GNAS-AS1: variants seen among roughly 807,000 people sequenced by gnomAD.
GNAS-AS1 encodes the protein GNAS antisense RNA 1, also known as GNAS antisense RNA 1 (non-protein coding).
chr20:58,824,215 A>G, intron 4 of GNAS-AS1: 1 of 396,672 alleles, frequency 2.5e-6, no homozygotes, highest in East Asian at 3.6e-5. Flanking sequence ...CCAGAAGAAA[A>G]GGTGTGGTGA....
At chr20:58,845,877 C>T (rs2085922894) in intron 2 of GNAS-AS1, among the ~76,000 whole-genome samples, 1 of 152,206 alleles carries the variant, frequency 6.6e-6, no homozygotes. Context: ...ACTCTGCCTG[C>T]AACTATTCCC....
intron 4 of GNAS-AS1, among the ~76,000 whole-genome samples, chr20:58,830,632 CCGCCA>C: frequency 2.3e-5 from 3 of 132,428 alleles, no homozygotes; most frequent in African/African-American, 5.7e-5. Flanking sequence ...ATCACCACCA[CCGCCA>C]CACCACCACA....
chr20:58,842,010 T>G, exon 4 of GNAS-AS1: 1 of 854,618 alleles, frequency 1.2e-6, no homozygotes, highest in Non-Finnish European at 1.6e-6. Context: ...CCTTGGACGA[T>G]CAGTCGTCGA....
At chr20:58,823,665 C>T (rs377144776) in intron 4 of GNAS-AS1, among the ~76,000 whole-genome samples, 2 of 152,370 alleles carry the variant, frequency 1.3e-5, no homozygotes, top group East Asian at 1.9e-4. Flanking sequence ...GGGCTCTGCA[C>T]GTTCCCAATG....
chr20:58,835,922 C>T (rs1009542957), intron 4 of GNAS-AS1, among the ~76,000 whole-genome samples: 16 of 136,592 alleles, frequency 1.2e-4, no homozygotes, highest in Admixed American at 3.8e-4. Context: ...AGAGCCTCCA[C>T]GCCCTGCCTT....
At chr20:58,833,474 T>G (rs1427620542) in intron 4 of GNAS-AS1, among the ~76,000 whole-genome samples, 1 of 152,182 alleles carries the variant, frequency 6.6e-6, no homozygotes, top group Non-Finnish European at 1.5e-5. Context: ...TCATGCACAA[T>G]GTATGTCACT....
At chr20:58,849,167 C>A (rs982317618) in intron 1 of GNAS-AS1, among the ~76,000 whole-genome samples, 2 of 152,082 alleles carry the variant, frequency 1.3e-5, no homozygotes. Context: ...TGGGTAGAGG[C>A]TAGGGATGCT....
intron 2 of GNAS-AS1, among the ~76,000 whole-genome samples, chr20:58,844,706 CA>C (rs1416166623): frequency 1.3e-5 from 2 of 151,610 alleles, no homozygotes; most frequent in African/African-American, 4.8e-5. Flanking sequence ...ATGGAACTCC[CA>C]AAAAACATCG....
intron 4 of GNAS-AS1, among the ~76,000 whole-genome samples, chr20:58,820,093 G>A (rs1185348335): frequency 1.3e-5 from 2 of 152,258 alleles, no homozygotes; most frequent in African/African-American, 2.4e-5. Context: ...TCAGACGCCC[G>A]CTCCAGTGGG....
chr20:58,831,605 TG>T (rs1214803935), intron 4 of GNAS-AS1, among the ~76,000 whole-genome samples: 5 of 151,952 alleles, frequency 3.3e-5, no homozygotes, highest in African/African-American at 1.2e-4. Context: ...CATTCCAGTC[TG>T]GGCGATAGAG....
intron 2 of GNAS-AS1, chr20:58,842,688 A>C (rs770734958): frequency 2.5e-6 from 1 of 395,886 alleles, no homozygotes; most frequent in Non-Finnish European, 4.4e-6. Flanking sequence ...CTTAATGTAA[A>C]CAATGATGGT....
chr20:58,822,649 T>A (rs191025391), intron 4 of GNAS-AS1, among the ~76,000 whole-genome samples: 1 of 152,320 alleles, frequency 6.6e-6, no homozygotes, highest in African/African-American at 2.4e-5. Context: ...TGGTCACCCA[T>A]TAATTTGTAC....
intron 4 of GNAS-AS1, among the ~76,000 whole-genome samples, chr20:58,831,267 C>A (rs1479807187): frequency 6.6e-6 from 1 of 152,162 alleles, no homozygotes; most frequent in African/African-American, 2.4e-5. Flanking sequence ...CCGGCCAGAC[C>A]ACGCTAATAT....
chr20:58,835,342 T>C (rs978318954), intron 4 of GNAS-AS1, among the ~76,000 whole-genome samples: 26 of 152,194 alleles, frequency 1.7e-4, no homozygotes, highest in African/African-American at 3.6e-4. Context: ...AGAAAATGCA[T>C]TGAGGTCTGT....
At chr20:58,831,214 A>AT (rs1223843516) in intron 4 of GNAS-AS1, among the ~76,000 whole-genome samples, 3 of 152,214 alleles carry the variant, frequency 2.0e-5, no homozygotes, top group Non-Finnish European at 4.4e-5. Context: ...AGATTTTGAG[A>AT]TTTTAGACCA....
At chr20:58,820,255 A>G (rs1411954993) in intron 4 of GNAS-AS1, among the ~76,000 whole-genome samples, 1 of 152,216 alleles carries the variant, frequency 6.6e-6, no homozygotes, top group Non-Finnish European at 1.5e-5. Context: ...TTTCTCACCT[A>G]TCAAGAAATA....
intron 4 of GNAS-AS1, among the ~76,000 whole-genome samples, chr20:58,819,839 G>T (rs974565869): frequency 1.3e-5 from 2 of 152,174 alleles, no homozygotes; most frequent in African/African-American, 4.8e-5. Context: ...CTTTGTCACG[G>T]ACAAAAAACC....
chr20:58,841,427 G>T lies in GNAS-AS1; in HGVS notation n.819+510C>A. The T allele has an allele frequency of 1.0e-6, 1 of 992,714 alleles. No homozygotes were observed. The highest frequency in any genetic ancestry group is 4.6e-5 in the South Asian group (1 of 21,872). 61.5% of individuals were successfully genotyped at this position (992,714 alleles called of 1,614,324 possible). The stretch of plus-strand genomic sequence containing the variant: ...CGAGAACTCTAGAGACTGACCACCC[G>T]GGAGGGAAGTCACGCGCGCGCGGCG... On this transcript the variant is annotated intron_variant and non_coding_transcript_variant, in intron 4 of 4. Transcript: ENST00000424094. This position sits in a 1 kb window ranked among gnomAD's most constrained non-coding sequence, Gnocchi z 5.0.
Position 58,839,997 on chromosome 20 carries a change from C to A in GNAS-AS1, n.819+1940G>T. 2 of 1,250,850 alleles carry A rather than the reference C, an allele frequency of 1.6e-6. 1 individual carries two copies. The highest frequency in any genetic ancestry group is 2.5e-5 in the South Asian group (2 of 81,022). The allele number at this position is 1,250,850 out of a possible 1,614,324, so 77.5% of individuals were successfully genotyped here. A position where few individuals can be genotyped will look rare whatever the true frequency, so the allele number is the denominator to read the frequency against. On this transcript the variant is annotated intron_variant and non_coding_transcript_variant, in intron 4 of 4. Transcript: ENST00000424094. ...GGTGAGGCTGGGACCTCCGGGCCAG[C>A]TTCTCACCTCATAGGGTGTACCTTT...
Sources: allele counts gnomAD v4.1 joint callset (sites outside exome capture counted in the v4.1 genomes callset), GRCh38; gene constraint gnomAD v4.1.1; non-coding constraint Gnocchi (gnomAD v3.1); transcripts MANE v1.5; gene names NCBI Gene and HGNC (gene_info 2026-07-23, HGNC 2026-07-21).